Variants in ARHGAP10 observed in about 807,000 individuals in gnomAD.
ARHGAP10 encodes the protein Rho GTPase activating protein 10.
ARHGAP10 carries 87 observed loss-of-function variants against 108.6 expected under a neutral mutation model. The observed-to-expected ratio is 0.80, with a 90% CI of 0.67 to 0.96. ARHGAP10 has a LOEUF of 0.96. ARHGAP10 is among the 40% of genes least tolerant of loss of function. ARHGAP10 has a pLI of 0.00. For missense variants in ARHGAP10, 939 were observed against 954.5 expected, an observed-to-expected ratio of 0.98 and a Z score of 0.21; for synonymous variants, 347 against 341.1, an observed-to-expected ratio of 1.02 and a Z score of -0.19.
At chr4:147,907,405 C>G (rs1490339457) in intron 11 of ARHGAP10, among the ~76,000 whole-genome samples, 2 of 152,112 alleles carry the variant, frequency 1.3e-5, no homozygotes, top group Admixed American at 1.3e-4. Flanking sequence ...TTTAAATAAA[C>G]TCTACTTAAA....
chr4:147,750,040 G>T (rs1729078820), intron 1 of ARHGAP10, among the ~76,000 whole-genome samples: 1 of 152,114 alleles, frequency 6.6e-6, no homozygotes, highest in South Asian at 2.1e-4. Context: ...GACAAGCAAA[G>T]AACAAAAAGA....
chr4:147,811,637 AG>A (rs1170159194), intron 1 of ARHGAP10, among the ~76,000 whole-genome samples: 1 of 150,008 alleles, frequency 6.7e-6, no homozygotes, highest in Non-Finnish European at 1.5e-5. Context: ...TTTTCTTTTG[AG>A]GGGGGAGCTT....
chr4:147,879,866 C>G (rs910575712), intron 9 of ARHGAP10, among the ~76,000 whole-genome samples: 3 of 152,208 alleles, frequency 2.0e-5, no homozygotes, highest in African/African-American at 7.2e-5. Context: ...AAAGGTAACA[C>G]TGACAGCAAG....
At chr4:147,911,390 T>A (rs1323610769) in intron 12 of ARHGAP10, among the ~76,000 whole-genome samples, 1 of 152,100 alleles carries the variant, frequency 6.6e-6, no homozygotes, top group Non-Finnish European at 1.5e-5. Flanking sequence ...GGAGACAGAG[T>A]CTTGCTCTGT....
At chr4:148,061,452 C>T (rs958178168) in intron 20 of ARHGAP10, among the ~76,000 whole-genome samples, 2 of 151,290 alleles carry the variant, frequency 1.3e-5, no homozygotes, top group Non-Finnish European at 2.9e-5. Context: ...CAACATTCAG[C>T]GTTCCTTTTC....
intron 10 of ARHGAP10, 107 bp downstream of exon 10, chr4:147,882,039 T>G: frequency 6.3e-6 from 6 of 959,124 alleles, no homozygotes; most frequent in South Asian, 1.5e-5. Flanking sequence ...GGGAGAATGT[T>G]ATCTTGCTAT....
At chr4:148,001,966 G>T (rs1192859385) in intron 18 of ARHGAP10, among the ~76,000 whole-genome samples, 1 of 152,196 alleles carries the variant, frequency 6.6e-6, no homozygotes. Flanking sequence ...TAGGAGTGGT[G>T]AGAGAGGGCA....
intron 18 of ARHGAP10, among the ~76,000 whole-genome samples, chr4:147,971,234 C>G (rs1739395117): frequency 1.3e-5 from 2 of 151,908 alleles, no homozygotes; most frequent in Admixed American, 1.3e-4. Flanking sequence ...GGGGTTGTGC[C>G]TTAGGATTTG....
At position 147,823,066 on chromosome 4, in the gene ARHGAP10, G is replaced by C. The variant is rs1349025853; in HGVS notation, c.312+109G>C. 4.5e-6 allele frequency: 5 copies of C among 1,101,974 alleles called. No individual in the cohort carries two copies. In the African/African-American group the frequency reaches 7.9e-5, roughly 17 times the overall value. The allele number at this position is 1,101,974 out of a possible 1,614,324, so 68.3% of individuals were successfully genotyped here. On this transcript the variant is annotated intron_variant, in intron 3 of 22. Coordinates refer to ENST00000336498, the MANE Select transcript of ARHGAP10 (RefSeq NM_024605.4). Reference sequence around the variant, plus strand: ...TGTGAAGCATTTATCCCTGGGTACAGTAGTGCATTGTAATGGAAAGATGAG... The same window carrying C: ...TGTGAAGCATTTATCCCTGGGTACACTAGTGCATTGTAATGGAAAGATGAG...
At chr4:147,983,734 A>G (rs1200586821) in intron 18 of ARHGAP10, among the ~76,000 whole-genome samples, 1 of 151,348 alleles carries the variant, frequency 6.6e-6, no homozygotes, top group East Asian at 2.0e-4. Context: ...TTGGATTTCA[A>G]TTTTCTCTTT....
At chr4:147,818,156 TTC>T (rs1181004038) in intron 1 of ARHGAP10, among the ~76,000 whole-genome samples, 1 of 150,094 alleles carries the variant, frequency 6.7e-6, no homozygotes, top group African/African-American at 2.5e-5. Flanking sequence ...TTTTTTCTTC[TTC>T]TTTTTCTTTT....
intron 1 of ARHGAP10, among the ~76,000 whole-genome samples, chr4:147,782,115 C>T (rs1232309333): frequency 6.6e-6 from 1 of 152,190 alleles, no homozygotes; most frequent in Admixed American, 6.5e-5. Context: ...GCTAGTGCAG[C>T]ATTTGCCACA....
intron 1 of ARHGAP10, among the ~76,000 whole-genome samples, chr4:147,815,948 T>C (rs1732225206): frequency 6.6e-6 from 1 of 152,226 alleles, no homozygotes; most frequent in Non-Finnish European, 1.5e-5. Flanking sequence ...AAGTTAGCGT[T>C]GTTGTAAGCC....
chr4:147,949,695 G>T (rs1047336338), intron 15 of ARHGAP10, among the ~76,000 whole-genome samples: 1 of 152,156 alleles, frequency 6.6e-6, no homozygotes, highest in Non-Finnish European at 1.5e-5. Flanking sequence ...ACCAAGAGAC[G>T]TACTGCCACT....
intron 3 of ARHGAP10, among the ~76,000 whole-genome samples, chr4:147,824,769 C>T (rs570298363): frequency 6.6e-6 from 1 of 152,290 alleles, no homozygotes; most frequent in East Asian, 1.9e-4. Flanking sequence ...TTACCTCCAC[C>T]TGGTCCTGCC....
At chr4:148,035,084 C>G (rs937143715) in intron 19 of ARHGAP10, among the ~76,000 whole-genome samples, 1 of 152,140 alleles carries the variant, frequency 6.6e-6, no homozygotes, top group East Asian at 1.9e-4. Context: ...GAGTTGTAAC[C>G]TGATGCCTAT....
intron 1 of ARHGAP10, among the ~76,000 whole-genome samples, chr4:147,800,914 T>G (rs1242462009): frequency 2.0e-5 from 3 of 152,200 alleles, no homozygotes; most frequent in Non-Finnish European, 4.4e-5. Context: ...TGGGATTAAG[T>G]GATTCTTGTG....
chr4:147,903,165 T>C (rs10003507), intron 10 of ARHGAP10, among the ~76,000 whole-genome samples: 17,474 of 152,152 alleles, frequency 0.11, 1,226 homozygotes, highest in East Asian at 0.32. Context: ...TCCACAGCTT[T>C]CTGTTGTGCC....
At chr4:147,763,411 A>G (rs1299222665) in intron 1 of ARHGAP10, among the ~76,000 whole-genome samples, 2 of 151,542 alleles carry the variant, frequency 1.3e-5, no homozygotes, top group African/African-American at 4.9e-5. Flanking sequence ...TCCTGGGTTC[A>G]AGCGATTCTC....
Sources: gnomAD v4.1 joint callset for allele counts (sites outside exome capture counted in the v4.1 genomes callset) on GRCh38, gnomAD v4.1.1 for gene constraint, MANE v1.5 for transcripts, NCBI Gene and HGNC (gene_info 2026-07-23, HGNC 2026-07-21) for gene names.